Variants in TMCO5A observed in about 807,000 individuals in gnomAD.
TMCO5A encodes transmembrane and coiled-coil domains 5A, also known as transmembrane and coiled-coil domain-containing protein 5A.
Under a neutral mutation model 42.3 loss-of-function variants are expected in TMCO5A, and 34 were observed. The ratio of observed to expected loss-of-function variants is 0.80; its 90% CI spans 0.61 to 1.07. The LOEUF is 1.07. Among genes scored for constraint, TMCO5A ranks in the 50% least tolerant of loss-of-function variants. TMCO5A has a pLI of 0.00. For missense variants in TMCO5A, 357 were observed against 327.9 expected (o/e 1.09, Z -0.69); for synonymous variants, 131 against 115.6 (o/e 1.13, Z -0.86).
At chr15:37,981,520 T>C in the TMCO5A span, among the ~76,000 whole-genome samples, 1 of 152,126 alleles carries the variant, frequency 6.6e-6, no homozygotes, top group South Asian at 2.1e-4. Flanking sequence ...ATCATTGCTT[T>C]AAAAAAACCT....
In TMCO5A at chr15:37,936,914, A is replaced by C; in HGVS notation, c.208A>C (p.Thr70Pro). Residue 70 changes from threonine (T) to proline (P), a missense_variant, in exon 4 of 12, where the codon ACC becomes CCC. Thr to Pro is a conservative substitution (Grantham distance 38, BLOSUM62 -1). Transcript: ENST00000319669. ...EDEEWEKENR[T>P]TMERERALQE... ...TGAAGAGTGGGAGAAGGAGAACCGC[A>C]CCACGATGGAAAGGGAAAGAGCCTT... The C allele has an allele frequency of 6.2e-7, 1 of 1,612,648 alleles. No homozygotes were observed. Among genetic ancestry groups the C allele is most frequent in the Non-Finnish European group, 8.5e-7 (1 of 1,179,186 alleles).
At chr15:37,984,451 G>A in the TMCO5A span, among the ~76,000 whole-genome samples, 168 of 152,236 alleles carry the variant, frequency 1.1e-3, no homozygotes, top group African/African-American at 3.6e-3. Context: ...TCTAAACAGC[G>A]CTGCAACATG....
At chr15:37,958,966 G>A (rs1890358212) in intron 11 of TMCO5A, among the ~76,000 whole-genome samples, 1 of 152,048 alleles carries the variant, frequency 6.6e-6, no homozygotes, top group African/African-American at 2.4e-5. Context: ...CATGTACTTT[G>A]CAGGGCCATG....
chr15:37,960,809 G>A (rs545861510), intron 11 of TMCO5A, among the ~76,000 whole-genome samples: 2 of 152,168 alleles, frequency 1.3e-5, no homozygotes, highest in African/African-American at 4.8e-5. Flanking sequence ...TCATATGTTT[G>A]TTGGTCATTT....
the TMCO5A span, among the ~76,000 whole-genome samples, chr15:38,034,858 C>T: frequency 6.6e-6 from 1 of 152,142 alleles, no homozygotes; most frequent in South Asian, 2.1e-4. Context: ...GTGTGACCCT[C>T]CCTACATAAT....
chr15:38,029,190 T>C, the TMCO5A span, among the ~76,000 whole-genome samples: 1 of 152,114 alleles, frequency 6.6e-6, no homozygotes, highest in Non-Finnish European at 1.5e-5. Context: ...TGGGAAGTTA[T>C]TTGGCTCTCT....
chr15:37,974,334 C>A, the TMCO5A span, among the ~76,000 whole-genome samples: 2 of 152,084 alleles, frequency 1.3e-5, no homozygotes, highest in Non-Finnish European at 2.9e-5. Context: ...AGGAATGGTA[C>A]CAGCTTTCTT....
the TMCO5A span, among the ~76,000 whole-genome samples, chr15:38,016,781 G>T: frequency 1.3e-5 from 2 of 152,130 alleles, no homozygotes; most frequent in Non-Finnish European, 2.9e-5. Context: ...GTCCTCTGCC[G>T]CTTGCCTTAA....
chr15:37,958,186 A>G (rs931463607), intron 11 of TMCO5A, among the ~76,000 whole-genome samples: 6 of 152,232 alleles, frequency 3.9e-5, no homozygotes, highest in Admixed American at 3.9e-4. Context: ...ATGAGCAAAT[A>G]CTTCATGACT....
At chr15:37,937,842 A>AT (rs1354878294) in intron 5 of TMCO5A, among the ~76,000 whole-genome samples, 2 of 152,226 alleles carry the variant, frequency 1.3e-5, no homozygotes, top group African/African-American at 4.8e-5. Flanking sequence ...TGGGCTTCCA[A>AT]TGACTACCCT....
the TMCO5A span, among the ~76,000 whole-genome samples, chr15:38,012,860 T>G: frequency 6.6e-6 from 1 of 152,064 alleles, no homozygotes; most frequent in African/African-American, 2.4e-5. Flanking sequence ...TATTAATCAT[T>G]TATAGGGGAT....
At chr15:37,999,689 T>C in the TMCO5A span, among the ~76,000 whole-genome samples, 1 of 152,214 alleles carries the variant, frequency 6.6e-6, no homozygotes, top group Non-Finnish European at 1.5e-5. Flanking sequence ...TTTATTGTAT[T>C]GAGGTATTTT....
chr15:37,953,599 G>T (rs76987065), downstream of TMCO5A, among the ~76,000 whole-genome samples: 2,135 of 151,990 alleles, frequency 0.014, 59 homozygotes, highest in African/African-American at 0.049. Flanking sequence ...AGTAGAATGG[G>T]TACAAACGAG....
the TMCO5A span, among the ~76,000 whole-genome samples, chr15:38,026,430 A>T: frequency 1.8e-4 from 27 of 152,174 alleles, no homozygotes; most frequent in African/African-American, 6.3e-4. Context: ...GATTTAGGGT[A>T]TCTGGCAGAA....
intron 3 of TMCO5A, 34 bp downstream of exon 3, chr15:37,936,497 A>G (rs781688705): frequency 1.3e-6 from 2 of 1,592,906 alleles, no homozygotes; most frequent in Admixed American, 3.6e-5. Flanking sequence ...GAAGTTCCCA[A>G]TCCAAAGAAG....
At chr15:37,981,105 T>C in the TMCO5A span, among the ~76,000 whole-genome samples, 8 of 150,100 alleles carry the variant, frequency 5.3e-5, no homozygotes, top group Non-Finnish European at 1.2e-4. Context: ...TAAAGGTAAA[T>C]GTTGACTGCA....
the TMCO5A span, among the ~76,000 whole-genome samples, chr15:37,992,154 GA>G: frequency 2.0e-5 from 3 of 151,882 alleles, no homozygotes; most frequent in Admixed American, 6.6e-5. Flanking sequence ...AAATTTACAA[GA>G]AAAAAACAAC....
the TMCO5A span, among the ~76,000 whole-genome samples, chr15:37,989,825 C>T: frequency 3.3e-5 from 5 of 151,998 alleles, no homozygotes; most frequent in South Asian, 6.2e-4. Flanking sequence ...TGGATGAACA[C>T]GGTCCTCACA....
the TMCO5A span, among the ~76,000 whole-genome samples, chr15:37,985,374 T>C: frequency 6.6e-6 from 1 of 152,174 alleles, no homozygotes; most frequent in African/African-American, 2.4e-5. Flanking sequence ...CATGCTCTGC[T>C]GTAAGAATAT....
Sources: gnomAD v4.1 joint callset for allele counts (sites outside exome capture counted in the v4.1 genomes callset) on GRCh38, gnomAD v4.1.1 for gene constraint, MANE v1.5 for transcripts, NCBI Gene and HGNC (gene_info 2026-07-23, HGNC 2026-07-21) for gene names.